The following RBFOX3 variants were observed in gnomAD, a reference collection of about 807,000 sequenced individuals.
The protein encoded by RBFOX3 is RNA binding fox-1 homolog 3, also known as RNA binding protein fox-1 homolog 3.
RBFOX3 carries 17 observed loss-of-function variants against 48.7 expected under a neutral mutation model. The observed-to-expected ratio is 0.35, with a 90% CI of 0.24 to 0.52. The LOEUF (loss-of-function observed/expected upper bound fraction) is 0.52, where lower values mean the gene tolerates loss of function less well. RBFOX3 is among the 20% of genes least tolerant of loss of function. The pLI is 0.94. For synonymous variants in RBFOX3, 212 were observed against 209.5 expected (o/e 1.01, Z -0.10); for missense variants, 382 against 497.5 (o/e 0.77, Z 2.21).
At chr17:79,177,783 C>G (rs2050921326) in intron 4 of RBFOX3, among the ~76,000 whole-genome samples, 4 of 152,242 alleles carry the variant, frequency 2.6e-5, no homozygotes, top group Admixed American at 1.3e-4. Context: ...GCTCAGCCAT[C>G]AGGATGAGGT....
Position 79,211,498 on chromosome 17 carries a change from T to C in RBFOX3, c.-34+24268A>G, listed in dbSNP as rs111516384. ...TGCTGAACCCAGGTTTCAGCAGAGCTGCTGGGACTGGCTCCAGGTGGACGC... is the reference window on the plus strand; with the variant it reads ...TGCTGAACCCAGGTTTCAGCAGAGCCGCTGGGACTGGCTCCAGGTGGACGC... On this transcript the variant is annotated intron_variant, in intron 4 of 14. Transcript: ENST00000693108. Among the ~76,000 whole-genome samples the C allele has an allele frequency of 1.3e-3, 203 of 152,322 alleles. 1 individual carries two copies. The highest frequency in any genetic ancestry group is 4.6e-3 in the African/African-American group (193 of 41,582).
intron 2 of RBFOX3, among the ~76,000 whole-genome samples, chr17:79,329,836 C>T (rs140601887): frequency 3.3e-4 from 51 of 152,254 alleles, no homozygotes; most frequent in African/African-American, 1.0e-3. Context: ...AATGGCTGGT[C>T]GCACATTTTA....
chr17:79,132,389 T>C (rs1335247640), intron 4 of RBFOX3, among the ~76,000 whole-genome samples: 1 of 152,178 alleles, frequency 6.6e-6, no homozygotes, highest in Non-Finnish European at 1.5e-5. Context: ...TACAGCCCTA[T>C]TCCATGCACG....
rs145206041 is a variant in RBFOX3 at position 79,304,064 on chromosome 17, C to A, written c.-74+3660G>T. 7.8e-3 allele frequency among the ~76,000 whole-genome samples: 1,190 copies of A among 152,288 alleles called. 9 individuals carry two copies. Among genetic ancestry groups the A allele is most frequent in the Non-Finnish European group, 0.011 (719 of 68,038 alleles). ...AGAAGCTCTTTGGAGTGTATGTTTGCAGTCTCCTTTATAATGTGAATAATC... is the reference window on the plus strand; with the variant it reads ...AGAAGCTCTTTGGAGTGTATGTTTGAAGTCTCCTTTATAATGTGAATAATC... On this transcript the variant is annotated intron_variant, in intron 3 of 14. Transcript: ENST00000693108.
rs1401665753 is a variant in RBFOX3, at chr17:79,570,123, T to C, written c.-320+40703A>G. ...GATGGATGGATAGGTAGATTATGGATGGTAGATGGATGAATGGCAAATGGA... is the reference window on the plus strand; with the variant it reads ...GATGGATGGATAGGTAGATTATGGACGGTAGATGGATGAATGGCAAATGGA... On this transcript the variant is annotated intron_variant, in intron 1 of 14. Transcript: ENST00000693108. 5.3e-5 allele frequency among the ~76,000 whole-genome samples: 8 copies of C among 149,566 alleles called. 1 individual carries two copies. Among genetic ancestry groups the C allele is most frequent in the African/African-American group, 1.5e-4 (6 of 40,442 alleles).
upstream of RBFOX3, among the ~76,000 whole-genome samples, chr17:79,612,994 G>A (rs1162833785): frequency 3.3e-5 from 5 of 152,198 alleles, no homozygotes; most frequent in East Asian, 1.9e-4. Flanking sequence ...GAAACCTCTC[G>A]AAGAGTGGGA....
the RBFOX3 span, among the ~76,000 whole-genome samples, chr17:79,620,295 A>G: frequency 1.3e-5 from 2 of 151,518 alleles, no homozygotes; most frequent in African/African-American, 4.9e-5. Context: ...GCACACACGC[A>G]CACACGCACA....
the RBFOX3 span, among the ~76,000 whole-genome samples, chr17:79,659,139 G>A: frequency 2.0e-4 from 31 of 152,116 alleles, no homozygotes; most frequent in Non-Finnish European, 3.8e-4. Context: ...TGTGGACCAC[G>A]CGGGGGCCCG....
chr17:79,427,174 G>T (rs782388073), intron 2 of RBFOX3, among the ~76,000 whole-genome samples: 1 of 152,152 alleles, frequency 6.6e-6, no homozygotes, highest in African/African-American at 2.4e-5. Context: ...AGATGCGGAC[G>T]GGGGGCCCCT....
chr17:79,138,025 C>G (rs2040668914), intron 4 of RBFOX3, among the ~76,000 whole-genome samples: 1 of 152,208 alleles, frequency 6.6e-6, no homozygotes, highest in Admixed American at 6.5e-5. Context: ...GCAGCCCGCC[C>G]CCGCCAAGCA....
chr17:79,426,000 C>T (rs1340669800), intron 2 of RBFOX3, among the ~76,000 whole-genome samples: 3 of 151,832 alleles, frequency 2.0e-5, no homozygotes, highest in Non-Finnish European at 4.4e-5. Context: ...GGAGGAATCA[C>T]GGAGAGTGTG....
In RBFOX3 at chr17:79,179,898, A is replaced by T. The variant is rs1176917336; in HGVS notation, c.-34+55868T>A. Among the ~76,000 whole-genome samples the T allele has an allele frequency of 2.0e-5, 3 of 152,112 alleles. No homozygotes were observed. The East Asian group carries it at 5.8e-4, about 29-fold the overall frequency. ...CCTAGGAGGGGTCAGATGTTGGGGGACCACGGCACGGGGCTACCCTTCAGG... is the reference window on the plus strand; with the variant it reads ...CCTAGGAGGGGTCAGATGTTGGGGGTCCACGGCACGGGGCTACCCTTCAGG... On this transcript the variant is annotated intron_variant, in intron 4 of 14. Coordinates refer to ENST00000693108, the MANE Select transcript of RBFOX3 (RefSeq NM_001350451.2).
At chr17:79,624,353 T>C in the RBFOX3 span, among the ~76,000 whole-genome samples, 1 of 151,490 alleles carries the variant, frequency 6.6e-6, no homozygotes, top group Non-Finnish European at 1.5e-5. Context: ...CAGGGGAGGC[T>C]GGGGAAGGGA....
chr17:79,458,389 A>C (rs1202159892), intron 2 of RBFOX3, among the ~76,000 whole-genome samples: 3 of 152,190 alleles, frequency 2.0e-5, no homozygotes, highest in African/African-American at 7.2e-5. Flanking sequence ...CAGGAAACCG[A>C]GATGGGGCAG....
chr17:79,404,456 C>T (rs1033802655), intron 2 of RBFOX3, among the ~76,000 whole-genome samples: 4 of 152,256 alleles, frequency 2.6e-5, no homozygotes, highest in African/African-American at 9.6e-5. Context: ...CTGCAAAGCC[C>T]TCTGTGCCCA....
Position 79,362,926 on chromosome 17 carries a change from C to T in RBFOX3, c.-174-55102G>A, listed in dbSNP as rs2057197432. 6.6e-6 allele frequency among the ~76,000 whole-genome samples: 1 copy of T among 152,206 alleles called. No individual in the cohort carries two copies. Among genetic ancestry groups the T allele is most frequent in the Non-Finnish European group, 1.5e-5 (1 of 68,032 alleles). ...GAGGTCCCACTCCCCAATCTATATC[C>T]CCAAATGCTGGTGATGTCCTGTCCT... On this transcript the variant is annotated intron_variant, in intron 2 of 14. Transcript: ENST00000693108. The surrounding 1 kb of genome is among the most constrained non-coding windows in gnomAD (Gnocchi z 4.2).
At chr17:79,338,715 A>G (rs565348040) in intron 2 of RBFOX3, among the ~76,000 whole-genome samples, 12 of 152,270 alleles carry the variant, frequency 7.9e-5, no homozygotes, top group Admixed American at 7.8e-4. Flanking sequence ...ACATGTCCCC[A>G]AGTGCTTCAA....
intron 4 of RBFOX3, among the ~76,000 whole-genome samples, chr17:79,193,794 T>C (rs2054996823): frequency 6.6e-6 from 1 of 152,164 alleles, no homozygotes; most frequent in Non-Finnish European, 1.5e-5. Flanking sequence ...CAAGTTCTTC[T>C]CTACAGGAAA....
chr17:79,548,466 T>C (rs12951038), intron 1 of RBFOX3, among the ~76,000 whole-genome samples: 124,771 of 152,266 alleles, frequency 0.82, 53,355 homozygotes, highest in Non-Finnish European at 0.94. Flanking sequence ...GTGGCACGGC[T>C]GCCACCACCC....
Sources: allele counts gnomAD v4.1 joint callset (sites outside exome capture counted in the v4.1 genomes callset), GRCh38; gene constraint gnomAD v4.1.1; non-coding constraint Gnocchi (gnomAD v3.1); transcripts MANE v1.5; gene names NCBI Gene and HGNC (gene_info 2026-07-23, HGNC 2026-07-21).